GPM6A: variants seen among roughly 807,000 people sequenced by gnomAD.
GPM6A encodes neuronal membrane glycoprotein M6-a.
Under a neutral mutation model 32.1 loss-of-function variants are expected in GPM6A, and 7 were observed. The ratio of observed to expected loss-of-function variants is 0.22; its 90% CI spans 0.12 to 0.41. The LOEUF (loss-of-function observed/expected upper bound fraction) is 0.41, where lower values mean the gene tolerates loss of function less well. Ranked by LOEUF, GPM6A falls within the 10% of genes least tolerant of loss-of-function variation. The pLI is 1.00. For synonymous variants in GPM6A, 130 were observed against 123.4 expected, an observed-to-expected ratio of 1.05 and a Z score of -0.35; for missense variants, 235 against 347.2, an observed-to-expected ratio of 0.68 and a Z score of 2.57.
At chr4:175,941,987 C>G (rs1739427284) in intron 1 of GPM6A, among the ~76,000 whole-genome samples, 1 of 152,220 alleles carries the variant, frequency 6.6e-6, no homozygotes, top group South Asian at 2.1e-4. Context: ...CTAATTTACA[C>G]TCCCAACAAC....
At chr4:175,831,713 C>CTCTT (rs1735616396) in intron 1 of GPM6A, among the ~76,000 whole-genome samples, 1 of 32,810 alleles carries the variant, frequency 3.0e-5, no homozygotes, top group African/African-American at 8.8e-5. Flanking sequence ...ATTTAGCCAT[C>CTCTT]TCTTTTTTTT....
chr4:175,703,240 C>T (rs1012242841), intron 1 of GPM6A, among the ~76,000 whole-genome samples: 8 of 152,024 alleles, frequency 5.3e-5, no homozygotes, highest in African/African-American at 1.7e-4. Flanking sequence ...AGTGCGATCT[C>T]GGCTCACTGC....
chr4:175,785,346 A>G (rs906593990), intron 1 of GPM6A, among the ~76,000 whole-genome samples: 4 of 152,220 alleles, frequency 2.6e-5, no homozygotes, highest in African/African-American at 7.2e-5. Context: ...ATGTCCCAGC[A>G]TCTTGCAGCC....
chr4:175,749,006 A>G (rs1485135997), intron 1 of GPM6A, among the ~76,000 whole-genome samples: 1 of 152,020 alleles, frequency 6.6e-6, no homozygotes. Context: ...CTCTTCTTTA[A>G]CTTCCCCCCA....
rs1179548345 is a variant in GPM6A at position 175,908,599 on chromosome 4, A to T, written c.-23+93710T>A. Among the ~76,000 whole-genome samples the T allele has an allele frequency of 2.6e-5, 4 of 152,298 alleles. No individual in the cohort carries two copies. The East Asian group carries it at 7.7e-4, about 29-fold the overall frequency. ...AAACTTTGAGGAAGAAGAAGTTTGT[A>T]TCATCAAAGGGGCCTTTATAGGAAA... On this transcript the variant is annotated intron_variant, in intron 1 of 7. Coordinates refer to the GPM6A transcript ENST00000280187.
At chr4:175,650,860 G>C (rs182537402) in intron 4 of GPM6A, among the ~76,000 whole-genome samples, 6 of 152,330 alleles carry the variant, frequency 3.9e-5, no homozygotes, top group Non-Finnish European at 8.8e-5. Context: ...CCAGGTGTTA[G>C]TAGGGTGGCT....
At chr4:175,806,133 T>A (rs146496521) in intron 1 of GPM6A, 2 of 152,322 alleles carry the variant, frequency 1.3e-5, no homozygotes, top group Non-Finnish European at 2.9e-5. Context: ...TCAAACATTT[T>A]GAATGGTGGG....
At chr4:175,902,697 C>T (rs991276788) in intron 1 of GPM6A, among the ~76,000 whole-genome samples, 4 of 152,048 alleles carry the variant, frequency 2.6e-5, no homozygotes, top group African/African-American at 9.7e-5. Context: ...ATCTATAAAA[C>T]CCCGTGCATT....
In GPM6A at chr4:175,821,700, G is replaced by A. The variant is rs1357825602; in HGVS notation, c.-22-9451C>T. 3.3e-5 allele frequency among the ~76,000 whole-genome samples: 5 copies of A among 151,124 alleles called. No individual in the cohort carries two copies. The Middle Eastern group carries it at 0.01, about 315-fold the overall frequency. On this transcript the variant is annotated intron_variant, in intron 1 of 7. Coordinates refer to the GPM6A transcript ENST00000280187. The stretch of plus-strand genomic sequence containing the variant: ...TTTTGTTTTTATTCCTAAGTATTTT[G>A]ATTTCTTTTAGAGGTATTTTATACT...
At chr4:175,908,840 CATATT>C (rs745370235) in intron 1 of GPM6A, among the ~76,000 whole-genome samples, 10 of 152,058 alleles carry the variant, frequency 6.6e-5, no homozygotes, top group African/African-American at 1.4e-4. Context: ...TTGTTTTTCT[CATATT>C]GTATTGGGCT....
At chr4:175,879,415 T>C (rs2111454152) in intron 1 of GPM6A, among the ~76,000 whole-genome samples, 1 of 152,264 alleles carries the variant, frequency 6.6e-6, no homozygotes, top group Non-Finnish European at 1.5e-5. Flanking sequence ...TGACTCACAG[T>C]TCCTCATGGA....
At chr4:175,908,720 A>G (rs997852322) in intron 1 of GPM6A, among the ~76,000 whole-genome samples, 1 of 152,128 alleles carries the variant, frequency 6.6e-6, no homozygotes, top group African/African-American at 2.4e-5. Context: ...ACAAAAATTT[A>G]AAAGCTATTT....
At chr4:175,846,668 G>A (rs976784822) in intron 1 of GPM6A, among the ~76,000 whole-genome samples, 2 of 152,060 alleles carry the variant, frequency 1.3e-5, no homozygotes, top group Non-Finnish European at 2.9e-5. Flanking sequence ...TGTCTATACC[G>A]AAGAATAAGG....
intron 1 of GPM6A, among the ~76,000 whole-genome samples, chr4:175,914,320 T>C (rs1579622326): frequency 6.6e-6 from 1 of 152,110 alleles, no homozygotes; most frequent in East Asian, 1.9e-4. Context: ...CAGCATTTTG[T>C]TTTGTTTTGT....
At chr4:175,649,274 T>C (rs958319893) in intron 4 of GPM6A, among the ~76,000 whole-genome samples, 1 of 152,196 alleles carries the variant, frequency 6.6e-6, no homozygotes, top group Non-Finnish European at 1.5e-5. Context: ...AGGAATCCTA[T>C]ATACTTAGTG....
At chr4:175,787,248 T>C in intron 1 of GPM6A, 1 of 752,558 alleles carries the variant, frequency 1.3e-6, no homozygotes, top group Admixed American at 2.2e-5. Context: ...ATGTATTTAA[T>C]GAGGCATGCA....
intron 1 of GPM6A, among the ~76,000 whole-genome samples, chr4:175,933,703 C>T (rs1739129203): frequency 2.6e-5 from 4 of 152,226 alleles, no homozygotes; most frequent in South Asian, 2.1e-4. Context: ...CCACCATGCC[C>T]GGCTAATTTT....
chr4:175,677,255 G>A (rs1331631697), intron 2 of GPM6A, among the ~76,000 whole-genome samples: 1 of 152,082 alleles, frequency 6.6e-6, no homozygotes, highest in Non-Finnish European at 1.5e-5. Context: ...TTTTCATTGT[G>A]TAACTACTGT....
In GPM6A at chr4:175,976,157, CTTTTTT is replaced by C. The variant is rs1355808343; in HGVS notation, c.-23+26146_-23+26151del. Reference sequence around the variant, plus strand: ...CACATTTGTGGCTTAAATATGTCGTCTTTTTTTTTTTTTTTTTCTTGAGACGGAGTC... The same window carrying C: ...CACATTTGTGGCTTAAATATGTCGTCTTTTTTTTTTTCTTGAGACGGAGTC... On this transcript the variant is annotated intron_variant, in intron 1 of 7. Transcript: ENST00000280187. 2.2e-5 allele frequency among the ~76,000 whole-genome samples: 3 copies of C among 135,716 alleles called. No individual in the cohort carries two copies. In the South Asian group the frequency reaches 7.3e-4, roughly 33 times the overall value. 89.0% of individuals were successfully genotyped at this position (135,716 alleles called of 152,430 possible).
Sources: gnomAD v4.1 joint callset for allele counts (sites outside exome capture counted in the v4.1 genomes callset) on GRCh38, gnomAD v4.1.1 for gene constraint, MANE v1.5 for transcripts, NCBI Gene and HGNC (gene_info 2026-07-23, HGNC 2026-07-21) for gene names.